Variants in RIMS1 observed in about 807,000 individuals in gnomAD.
RIMS1 encodes regulating synaptic membrane exocytosis 1, also known as regulating synaptic membrane exocytosis protein 1.
In RIMS1, 83 loss-of-function variants were observed where a neutral mutation model predicts 214.1. That is an observed-to-expected ratio of 0.39 (90% CI 0.32 to 0.47). RIMS1 has a LOEUF of 0.47. Ranked by LOEUF, RIMS1 falls within the 20% of genes least tolerant of loss-of-function variation. RIMS1 has a pLI of 0.99. For missense variants in RIMS1, 2,050 were observed against 2,161.8 expected (o/e 0.95, Z 1.03); for synonymous variants, 793 against 786.8 (o/e 1.01, Z -0.13).
Position 72,126,373 on chromosome 6 carries a change from T to C in RIMS1, c.471+26387T>C, listed in dbSNP as rs1402893643. ...AGACATTAGTTTGGCAAAAAGTTCA[T>C]GACTAAGACCCCAAAAGCAAATGCA... On this transcript the variant is annotated intron_variant, in intron 4 of 33. Coordinates refer to ENST00000521978, the MANE Select transcript of RIMS1 (RefSeq NM_014989.7). 2.0e-5 allele frequency among the ~76,000 whole-genome samples: 3 copies of C among 152,282 alleles called. No individual in the cohort carries two copies. The East Asian group carries it at 5.8e-4, about 29-fold the overall frequency.
At chr6:72,251,417 T>A (rs1478710227) in intron 15 of RIMS1, 49 bp downstream of exon 15, 3 of 1,324,274 alleles carry the variant, frequency 2.3e-6, no homozygotes, top group Non-Finnish European at 3.1e-6. Context: ...GCTGTAATGA[T>A]CTAATTAGTG....
intron 4 of RIMS1, among the ~76,000 whole-genome samples, chr6:72,103,404 T>C (rs1336044653): frequency 6.6e-6 from 1 of 152,178 alleles, no homozygotes; most frequent in Non-Finnish European, 1.5e-5. Context: ...TTGCATATTA[T>C]CAAAGTTCTG....
chr6:72,297,620 G>A (rs889742772), intron 26 of RIMS1, among the ~76,000 whole-genome samples: 8 of 151,870 alleles, frequency 5.3e-5, no homozygotes, highest in East Asian at 1.9e-4. Context: ...CCCTCCAAGC[G>A]TTCCTTGGAA....
intron 4 of RIMS1, among the ~76,000 whole-genome samples, chr6:72,146,555 G>A (rs1006529535): frequency 6.6e-6 from 1 of 152,056 alleles, no homozygotes; most frequent in South Asian, 2.1e-4. Flanking sequence ...AAACCCTGTT[G>A]TGCTTTTATT....
At chr6:71,946,812 T>C (rs1445062600) in intron 1 of RIMS1, among the ~76,000 whole-genome samples, 2 of 152,072 alleles carry the variant, frequency 1.3e-5, no homozygotes, top group East Asian at 3.9e-4. Flanking sequence ...CTAAAAATCT[T>C]CTGCACAGCC....
chr6:72,019,018 C>A (rs1402608418), intron 2 of RIMS1, among the ~76,000 whole-genome samples: 1 of 152,012 alleles, frequency 6.6e-6, no homozygotes, highest in Non-Finnish European at 1.5e-5. Flanking sequence ...GACTAAGAGG[C>A]GGCAGTGTGA....
At chr6:72,396,682 T>C (rs1020077699) in intron 31 of RIMS1, among the ~76,000 whole-genome samples, 2 of 152,176 alleles carry the variant, frequency 1.3e-5, no homozygotes, top group African/African-American at 4.8e-5. Flanking sequence ...AAAATATTAC[T>C]AAGTGAAGAA....
At chr6:72,356,879 C>A (rs1595036170) in intron 29 of RIMS1, among the ~76,000 whole-genome samples, 1 of 152,172 alleles carries the variant, frequency 6.6e-6, no homozygotes, top group African/African-American at 2.4e-5. Context: ...AAAGAGCATT[C>A]TTCTCTAAAT....
intron 6 of RIMS1, among the ~76,000 whole-genome samples, chr6:72,227,997 AT>A (rs1383172010): frequency 3.3e-5 from 5 of 151,994 alleles, no homozygotes; most frequent in African/African-American, 1.2e-4. Context: ...TCACTGAGGT[AT>A]ATTTGACATA....
chr6:71,895,589 T>C (rs1166499215), intron 1 of RIMS1, among the ~76,000 whole-genome samples: 1 of 149,848 alleles, frequency 6.7e-6, no homozygotes, highest in Non-Finnish European at 1.5e-5. Flanking sequence ...CAGGAGAATT[T>C]CTTGAACCCG....
intron 6 of RIMS1, among the ~76,000 whole-genome samples, chr6:72,200,923 T>A (rs2051874027): frequency 6.6e-6 from 1 of 151,522 alleles, no homozygotes; most frequent in South Asian, 2.1e-4. Flanking sequence ...TGCCAATTTC[T>A]TATTTCTAAG....
chr6:72,046,357 A>G (rs1823046401), intron 2 of RIMS1, among the ~76,000 whole-genome samples: 1 of 152,048 alleles, frequency 6.6e-6, no homozygotes, highest in South Asian at 2.1e-4. Flanking sequence ...GTTGACATGG[A>G]AGAACTTTGA....
chr6:71,982,222 G>T (rs1202140258), intron 2 of RIMS1, among the ~76,000 whole-genome samples: 2 of 152,024 alleles, frequency 1.3e-5, no homozygotes, highest in African/African-American at 4.8e-5. Flanking sequence ...TACTTGGACT[G>T]GTTCTTTGCA....
intron 6 of RIMS1, among the ~76,000 whole-genome samples, chr6:72,223,601 C>T (rs2154054036): frequency 6.6e-6 from 1 of 151,878 alleles, no homozygotes; most frequent in Non-Finnish European, 1.5e-5. Flanking sequence ...ACAAATATCC[C>T]AACACAAAAA....
intron 4 of RIMS1, among the ~76,000 whole-genome samples, chr6:72,174,473 TATGTTCTAAA>T (rs2047447502): frequency 6.6e-6 from 1 of 152,168 alleles, no homozygotes; most frequent in Admixed American, 6.5e-5. Flanking sequence ...GAGCTTTAAA[TATGTTCTAAA>T]ATTTTACCAA....
At chr6:72,296,962 A>G (rs2094151885) in intron 26 of RIMS1, among the ~76,000 whole-genome samples, 1 of 151,878 alleles carries the variant, frequency 6.6e-6, no homozygotes, top group Admixed American at 6.6e-5. Context: ...AAGTACAAAT[A>G]CCAAATATAT....
At chr6:72,004,682 C>G (rs905325264) in intron 2 of RIMS1, among the ~76,000 whole-genome samples, 16 of 152,010 alleles carry the variant, frequency 1.1e-4, no homozygotes, top group African/African-American at 1.7e-4. Flanking sequence ...TGAGAAGTGT[C>G]TGTTCATATC....
rs755146773 is a variant in RIMS1 at position 72,179,566 on chromosome 6, T to A, written c.472-9T>A. Reference sequence around the variant, plus strand: ...TAAAAATTTATATTGTTCTTTCTTCTTCAAATAGGTTATGTGGGTATGCAA... The same window carrying A: ...TAAAAATTTATATTGTTCTTTCTTCATCAAATAGGTTATGTGGGTATGCAA... On this transcript the variant is annotated splice_polypyrimidine_tract_variant and intron_variant, in intron 4 of 33. Coordinates refer to ENST00000521978, the MANE Select transcript of RIMS1 (RefSeq NM_014989.7). 1 of 1,601,826 alleles carries A rather than the reference T, an allele frequency of 6.2e-7. No individual in the cohort carries two copies. Among genetic ancestry groups the A allele is most frequent in the Non-Finnish European group, 8.5e-7 (1 of 1,171,612 alleles).
rs573135922 is a variant in RIMS1, at chr6:72,233,222, T to G, written c.1679-551T>G. 4.6e-5 allele frequency among the ~76,000 whole-genome samples: 7 copies of G among 152,024 alleles called. No homozygotes were observed. In the East Asian group the frequency reaches 1.3e-3, roughly 29 times the overall value. ...TTACAAAGTTAGAACTTTTGAGTAC[T>G]CTGTCATTTGTAGCCAGTCTTTTGG... On this transcript the variant is annotated intron_variant, in intron 6 of 33. Coordinates refer to ENST00000521978, the MANE Select transcript of RIMS1 (RefSeq NM_014989.7).
Sources: allele counts gnomAD v4.1 joint callset (sites outside exome capture counted in the v4.1 genomes callset), GRCh38; gene constraint gnomAD v4.1.1; transcripts MANE v1.5; gene names NCBI Gene and HGNC (gene_info 2026-07-23, HGNC 2026-07-21).